GSE1: variants seen among roughly 807,000 people sequenced by gnomAD.
The protein encoded by GSE1 is genetic suppressor element 1.
GSE1 carries 32 observed loss-of-function variants against 112.6 expected under a neutral mutation model. That is an observed-to-expected ratio of 0.28 (90% CI 0.21 to 0.38). GSE1 has a LOEUF of 0.38. Ranked by LOEUF, GSE1 falls within the 10% of genes least tolerant of loss-of-function variation. GSE1 has a pLI of 1.00. For synonymous variants in GSE1, 1,115 were observed against 735.6 expected (o/e 1.52, Z -8.35); for missense variants, 2,348 against 1,699.2 (o/e 1.38, Z -6.71).
At chr16:85,538,825 C>G (rs1216175489) in intron 2 of GSE1, among the ~76,000 whole-genome samples, 5 of 152,198 alleles carry the variant, frequency 3.3e-5, no homozygotes, top group African/African-American at 1.2e-4. Flanking sequence ...CTGCTTTAAC[C>G]TCCCTCTTGC....
chr16:85,555,351 C>T (rs1266607535), upstream of GSE1: 6 of 984,564 alleles, frequency 6.1e-6, no homozygotes, highest in Non-Finnish European at 7.2e-6. Flanking sequence ...CCCCCTCTCT[C>T]TGAGTCAGTG....
At chr16:85,650,909 T>C (rs2051283352) in intron 3 of GSE1, among the ~76,000 whole-genome samples, 1 of 151,626 alleles carries the variant, frequency 6.6e-6, no homozygotes, top group Non-Finnish European at 1.5e-5. Flanking sequence ...CTCCCAGGTG[T>C]AGTGGGAGCT....
intron 2 of GSE1, among the ~76,000 whole-genome samples, chr16:85,408,735 T>C (rs1471064339): frequency 5.4e-5 from 3 of 55,766 alleles, no homozygotes; most frequent in African/African-American, 1.8e-4. Context: ...TAATCCTCAC[T>C]GTCACTCTCA....
chr16:85,323,206 T>A (rs1223053749), intron 1 of GSE1, among the ~76,000 whole-genome samples: 1 of 152,082 alleles, frequency 6.6e-6, no homozygotes, highest in Admixed American at 6.6e-5. Context: ...AAACCAAAGA[T>A]TGGGTCACAT....
chr16:85,186,385 A>G (rs1041262195), intron 1 of GSE1, among the ~76,000 whole-genome samples: 1 of 152,118 alleles, frequency 6.6e-6, no homozygotes, highest in Non-Finnish European at 1.5e-5. Flanking sequence ...CAGGTGGATC[A>G]TGAGGTCAGA....
chr16:85,224,588 G>T (rs2075450589), intron 1 of GSE1, among the ~76,000 whole-genome samples: 2 of 152,132 alleles, frequency 1.3e-5, no homozygotes, highest in Non-Finnish European at 2.9e-5. Flanking sequence ...TATGTGCCGG[G>T]CACTGTTCTT....
chr16:85,194,135 G>A (rs1258071156), intron 1 of GSE1, among the ~76,000 whole-genome samples: 3 of 152,148 alleles, frequency 2.0e-5, no homozygotes, highest in African/African-American at 4.8e-5. Flanking sequence ...CTGACTCCAC[G>A]CCCCTGAATC....
chr16:85,554,916 C>G (rs1031599735), upstream of GSE1: 1 of 985,292 alleles, frequency 1.0e-6, no homozygotes, highest in South Asian at 4.7e-5. Flanking sequence ...AGGGGAGCAC[C>G]CTGCCTTCGG....
At chr16:85,266,599 C>A (rs1168103851) in intron 1 of GSE1, among the ~76,000 whole-genome samples, 1 of 152,114 alleles carries the variant, frequency 6.6e-6, no homozygotes, top group Admixed American at 6.5e-5. Context: ...GGATCTGGTG[C>A]AGAGCTGAGC....
intron 2 of GSE1, among the ~76,000 whole-genome samples, chr16:85,481,327 A>G (rs1422648405): frequency 2.0e-5 from 3 of 152,228 alleles, no homozygotes; most frequent in Non-Finnish European, 4.4e-5. Context: ...GGTTTTTGTC[A>G]TGGGAGAGCT....
At chr16:85,484,138 C>A (rs1235939435) in intron 2 of GSE1, among the ~76,000 whole-genome samples, 1 of 152,222 alleles carries the variant, frequency 6.6e-6, no homozygotes, top group African/African-American at 2.4e-5. Context: ...AGGAATATGC[C>A]CCTTCATAGA....
intron 1 of GSE1, among the ~76,000 whole-genome samples, chr16:85,586,245 G>C (rs527281652): frequency 6.6e-6 from 1 of 152,380 alleles, no homozygotes; most frequent in East Asian, 1.9e-4. Flanking sequence ...GCAATTTCCA[G>C]ATGAGGGCAC....
chr16:85,643,187 G>A (rs997737794), intron 2 of GSE1, among the ~76,000 whole-genome samples: 5 of 152,196 alleles, frequency 3.3e-5, no homozygotes, highest in African/African-American at 9.7e-5. Flanking sequence ...GAGGTGACGC[G>A]GACACGGGCT....
chr16:85,674,514 A>G lies in GSE1; in HGVS notation c.*1975A>G, dbSNP rs889576390. On this transcript the variant is annotated 3_prime_UTR_variant, in exon 16 of 16. Transcript: ENST00000253458. The stretch of plus-strand genomic sequence containing the variant: ...AACTATCAGGGCAAAATCTCACTGG[A>G]TTTCTCCACTGAAAACCTACTTGAG... 3 of 152,112 alleles carry G rather than the reference A, an allele frequency of 2.0e-5. No individual in the cohort carries two copies. Among genetic ancestry groups the G allele is most frequent in the East Asian group, 1.9e-4 (1 of 5,192 alleles). 9.4% of individuals were successfully genotyped at this position (152,112 alleles called of 1,614,324 possible).
chr16:85,647,031 C>A (rs981866544), intron 2 of GSE1, among the ~76,000 whole-genome samples: 2 of 152,176 alleles, frequency 1.3e-5, no homozygotes, highest in African/African-American at 4.8e-5. Context: ...GGGAGGGAGA[C>A]AACAGAGGGG....
At chr16:85,180,355 C>T (rs549486044) in intron 1 of GSE1, among the ~76,000 whole-genome samples, 48 of 152,160 alleles carry the variant, frequency 3.2e-4, no homozygotes, top group Non-Finnish European at 5.1e-4. Flanking sequence ...AAGGCGGCCC[C>T]TCAAAGGTCA....
chr16:85,294,774 C>T (rs910196589), intron 1 of GSE1, among the ~76,000 whole-genome samples: 2 of 150,660 alleles, frequency 1.3e-5, no homozygotes, highest in African/African-American at 4.9e-5. Context: ...CACAGAAGTC[C>T]AGGGACCCCA....
chr16:85,575,750 T>G (rs998822442), intron 1 of GSE1, among the ~76,000 whole-genome samples: 1 of 152,208 alleles, frequency 6.6e-6, no homozygotes, highest in African/African-American at 2.4e-5. Context: ...GAACTGTCAT[T>G]AATAGTATAA....
chr16:85,181,704 G>C (rs1597733549), intron 1 of GSE1, among the ~76,000 whole-genome samples: 1 of 152,206 alleles, frequency 6.6e-6, no homozygotes, highest in East Asian at 1.9e-4. Context: ...GATAAGGGCG[G>C]CAGCTGAAAA....
Sources: gnomAD v4.1 joint callset for allele counts (sites outside exome capture counted in the v4.1 genomes callset) on GRCh38, gnomAD v4.1.1 for gene constraint, MANE v1.5 for transcripts, NCBI Gene and HGNC (gene_info 2026-07-23, HGNC 2026-07-21) for gene names.